Variants in LIN7A observed in about 807,000 individuals in gnomAD.
LIN7A encodes the protein lin-7 cell polarity scaffold A.
In LIN7A, 25 loss-of-function variants were observed where a neutral mutation model predicts 29.8. That is an observed-to-expected ratio of 0.84 (90% CI 0.61 to 1.17). The LOEUF is 1.17. Among genes scored for constraint, LIN7A ranks in the 50% most tolerant of loss-of-function variants. The pLI is 0.00. For missense variants in LIN7A, 239 were observed against 287.0 expected, an observed-to-expected ratio of 0.83 and a Z score of 1.21; for synonymous variants, 118 against 107.5, an observed-to-expected ratio of 1.10 and a Z score of -0.60.
chr12:80,835,456 C>T (rs1186562107), intron 4 of LIN7A, among the ~76,000 whole-genome samples: 1 of 152,098 alleles, frequency 6.6e-6, no homozygotes, highest in African/African-American at 2.4e-5. Flanking sequence ...ATCCAATTTC[C>T]TCTGAAATTA....
chr12:80,842,170 T>C, intron 4 of LIN7A: 1 of 1,246,330 alleles, frequency 8.0e-7, no homozygotes, highest in South Asian at 1.3e-5. Flanking sequence ...GTATTTTGTC[T>C]TTATTTTTAT....
At chr12:80,929,168 TAATA>T (rs1877756669) in intron 1 of LIN7A, among the ~76,000 whole-genome samples, 2 of 152,218 alleles carry the variant, frequency 1.3e-5, no homozygotes, top group Admixed American at 6.5e-5. Context: ...TGCACCAACC[TAATA>T]AATAAAGTCC....
chr12:80,896,597 C>T (rs1352864238), intron 1 of LIN7A, among the ~76,000 whole-genome samples: 1 of 152,190 alleles, frequency 6.6e-6, no homozygotes, highest in Admixed American at 6.5e-5. Flanking sequence ...TTGCTGCGTT[C>T]CTCAAATGCA....
intron 2 of LIN7A, among the ~76,000 whole-genome samples, chr12:80,884,087 T>C (rs1875205287): frequency 6.6e-6 from 1 of 152,146 alleles, no homozygotes; most frequent in South Asian, 2.1e-4. Context: ...AAGAAGCAAA[T>C]AAAATTTGTG....
At chr12:80,802,510 G>T (rs2121488933) in intron 5 of LIN7A, among the ~76,000 whole-genome samples, 1 of 152,112 alleles carries the variant, frequency 6.6e-6, no homozygotes, top group Non-Finnish European at 1.5e-5. Context: ...ATCATATGGT[G>T]GTTCTAATTT....
intron 5 of LIN7A, among the ~76,000 whole-genome samples, chr12:80,810,734 A>G (rs1235779513): frequency 6.6e-6 from 1 of 152,122 alleles, no homozygotes; most frequent in Non-Finnish European, 1.5e-5. Flanking sequence ...CCTTTTCTTC[A>G]CATCCTCACT....
intron 1 of LIN7A, chr12:80,937,163 C>T (rs977986458): frequency 5.8e-5 from 9 of 154,316 alleles, no homozygotes; most frequent in Non-Finnish European, 1.3e-4. Flanking sequence ...GCAGTTGGAC[C>T]GACCCTCGCC....
chr12:80,807,944 A>C (rs1871121322), intron 5 of LIN7A, among the ~76,000 whole-genome samples: 1 of 152,098 alleles, frequency 6.6e-6, no homozygotes, highest in Non-Finnish European at 1.5e-5. Context: ...CTTTTTAATA[A>C]ATCCAACCAT....
At chr12:80,879,698 C>A (rs1450814388) in intron 2 of LIN7A, among the ~76,000 whole-genome samples, 1 of 145,494 alleles carries the variant, frequency 6.9e-6, no homozygotes, top group African/African-American at 2.5e-5. Context: ...TTAGACTGAG[C>A]CTTCCTTTAT....
intron 1 of LIN7A, among the ~76,000 whole-genome samples, chr12:80,918,075 T>C (rs1473134995): frequency 6.6e-6 from 1 of 152,080 alleles, no homozygotes; most frequent in Non-Finnish European, 1.5e-5. Context: ...TGAGACATCA[T>C]CTCCCTGTGT....
chr12:80,865,955 G>T (rs899127033), intron 2 of LIN7A, among the ~76,000 whole-genome samples: 8 of 152,096 alleles, frequency 5.3e-5, no homozygotes, highest in African/African-American at 1.9e-4. Context: ...ATTATAATTC[G>T]TGGGTCAGAC....
chr12:80,915,070 CAGAATGGG>C, intron 1 of LIN7A, among the ~76,000 whole-genome samples: 1 of 148,214 alleles, frequency 6.7e-6, no homozygotes, highest in East Asian at 2.0e-4. Context: ...AGACAACTTA[CAGAATGGG>C]AGAAAATATT....
intron 4 of LIN7A, among the ~76,000 whole-genome samples, chr12:80,812,318 GTAAC>G (rs937681119): frequency 1.3e-5 from 2 of 151,800 alleles, no homozygotes; most frequent in South Asian, 2.1e-4. Context: ...AAAACATAAA[GTAAC>G]TAAAATAAAA....
chr12:80,900,172 C>A (rs1228475958), intron 1 of LIN7A, among the ~76,000 whole-genome samples: 1 of 151,912 alleles, frequency 6.6e-6, no homozygotes. Flanking sequence ...ATTTATTGGT[C>A]TAGGTAGCAC....
At chr12:80,894,332 CAAG>C (rs1366807255) in intron 1 of LIN7A, among the ~76,000 whole-genome samples, 1 of 152,092 alleles carries the variant, frequency 6.6e-6, no homozygotes, top group Non-Finnish European at 1.5e-5. Flanking sequence ...ACAAGGAAAG[CAAG>C]AAGGATTATT....
chr12:80,904,422 A>AT lies in LIN7A; in HGVS notation c.83-15054dup, dbSNP rs563615285. Among the ~76,000 whole-genome samples the AT allele has an allele frequency of 3.9e-5, 6 of 152,218 alleles. No individual in the cohort carries two copies. In the South Asian group the frequency reaches 1.2e-3, roughly 32 times the overall value. ...CTTAAACTTATTTTTTCTATCTGAA[A>AT]TTTTGTATCCTTTGACCTAAATCTC... On this transcript the variant is annotated intron_variant, in intron 1 of 5. Transcript: ENST00000552864.
intron 2 of LIN7A, among the ~76,000 whole-genome samples, chr12:80,850,074 G>A (rs1873256411): frequency 6.6e-6 from 1 of 152,114 alleles, no homozygotes; most frequent in African/African-American, 2.4e-5. Flanking sequence ...ATAAATACCT[G>A]TACCTAATAA....
chr12:80,827,732 C>T (rs998357897), intron 4 of LIN7A, among the ~76,000 whole-genome samples: 1 of 152,058 alleles, frequency 6.6e-6, no homozygotes, highest in Admixed American at 6.5e-5. Flanking sequence ...GTTTTAATAA[C>T]CCCCCACCCA....
At chr12:80,912,713 C>CAAAAAAAAAA (rs5799498) in intron 1 of LIN7A, among the ~76,000 whole-genome samples, 1 of 135,356 alleles carries the variant, frequency 7.4e-6, no homozygotes, top group African/African-American at 3.1e-5. Context: ...AGACTTGTCT[C>CAAAAAAAAAA]AAAAAAAAAA....
Sources: gnomAD v4.1 joint callset for allele counts (sites outside exome capture counted in the v4.1 genomes callset) on GRCh38, gnomAD v4.1.1 for gene constraint, MANE v1.5 for transcripts, NCBI Gene and HGNC (gene_info 2026-07-23, HGNC 2026-07-21) for gene names.